Variants in ESRRG observed in about 807,000 individuals in gnomAD.
ESRRG encodes the protein estrogen-related receptor gamma.
Under a neutral mutation model 44.0 loss-of-function variants are expected in ESRRG, and 13 were observed. The observed-to-expected ratio is 0.30, with a 90% confidence interval of 0.19 to 0.47. ESRRG has a LOEUF of 0.47. Among genes scored for constraint, ESRRG ranks in the 20% least tolerant of loss-of-function variants. ESRRG has a pLI of 1.00. For missense variants in ESRRG, 395 were observed against 580.6 expected (o/e 0.68, Z 3.29); for synonymous variants, 215 against 214.6 (o/e 1.00, Z -0.02).
At chr1:216,685,987 A>T (rs2077870490) in intron 1 of ESRRG, 1 of 152,242 alleles carries the variant, frequency 6.6e-6, no homozygotes, top group South Asian at 2.1e-4. Flanking sequence ...TCAAGCACAT[A>T]TGAAAATTTC....
chr1:216,714,654 TA>T, intron 1 of ESRRG: 4 of 622,244 alleles, frequency 6.4e-6, no homozygotes, highest in Non-Finnish European at 8.0e-6. Flanking sequence ...AATAAAGAAA[TA>T]AAAAAATACA....
chr1:216,963,424 G>A (rs2069549385), intron 1 of ESRRG, among the ~76,000 whole-genome samples: 1 of 152,074 alleles, frequency 6.6e-6, no homozygotes, highest in African/African-American at 2.4e-5. Flanking sequence ...TGGGCTCAAA[G>A]TTAATACAAT....
intron 1 of ESRRG, among the ~76,000 whole-genome samples, chr1:217,008,293 G>T (rs1346330563): frequency 6.6e-6 from 1 of 152,216 alleles, no homozygotes; most frequent in African/African-American, 2.4e-5. Context: ...GCAGAACTAA[G>T]ATCTGGAACA....
intron 1 of ESRRG, among the ~76,000 whole-genome samples, chr1:216,704,548 A>G (rs1421260090): frequency 6.6e-6 from 1 of 152,154 alleles, no homozygotes; most frequent in East Asian, 1.9e-4. Context: ...AGGAGAAGAA[A>G]AAAAGATCTA....
chr1:216,821,654 C>G (rs2095290682), intron 2 of ESRRG, among the ~76,000 whole-genome samples: 1 of 138,812 alleles, frequency 7.2e-6, no homozygotes, highest in Non-Finnish European at 1.5e-5. Context: ...CACTGCACTC[C>G]AGCCTGGGCG....
chr1:216,972,780 A>G (rs143087521), intron 1 of ESRRG, among the ~76,000 whole-genome samples: 2 of 152,336 alleles, frequency 1.3e-5, no homozygotes, highest in East Asian at 1.9e-4. Context: ...TATGTACTAC[A>G]TAAGTGCAAC....
At chr1:217,070,092 TG>T (rs1241138860) in intron 1 of ESRRG, among the ~76,000 whole-genome samples, 1 of 152,128 alleles carries the variant, frequency 6.6e-6, no homozygotes, top group African/African-American at 2.4e-5. Flanking sequence ...AAAATCTTTC[TG>T]GGGCAAGGGT....
rs568151764 is a variant in ESRRG, at chr1:217,101,218, G to T, written c.-230+36449C>A. 1.6e-4 allele frequency among the ~76,000 whole-genome samples: 25 copies of T among 152,306 alleles called. 1 individual carries two copies. The South Asian group carries it at 4.6e-3, about 28-fold the overall frequency. ...ATGCTCCAGAATAAAACTGCCTGCA[G>T]TCAAACCCTTCCTGACCACCTAATC... On this transcript the variant is annotated intron_variant, in intron 1 of 8. Transcript: ENST00000366940.
chr1:216,911,655 G>C (rs2149586229), intron 2 of ESRRG, among the ~76,000 whole-genome samples: 1 of 152,210 alleles, frequency 6.6e-6, no homozygotes. Context: ...ACTCTGGTAG[G>C]GGAAGCTGAT....
At chr1:216,598,249 T>C (rs1313677934) in intron 3 of ESRRG, among the ~76,000 whole-genome samples, 16 of 152,216 alleles carry the variant, frequency 1.1e-4, no homozygotes, top group Non-Finnish European at 2.4e-4. Flanking sequence ...GTTGAATCTA[T>C]GGTGCAATTC....
intron 2 of ESRRG, among the ~76,000 whole-genome samples, chr1:216,916,572 C>T (rs1053058002): frequency 1.3e-5 from 2 of 152,174 alleles, no homozygotes; most frequent in African/African-American, 4.8e-5. Context: ...GCCAGGCACG[C>T]GCAGCAAGAA....
intron 1 of ESRRG, among the ~76,000 whole-genome samples, chr1:217,126,785 C>T (rs1024784077): frequency 3.2e-4 from 48 of 152,232 alleles, no homozygotes; most frequent in African/African-American, 1.2e-3. Flanking sequence ...TGGTACTCTG[C>T]ATATCCAATT....
rs925683631 is a variant in ESRRG at position 216,910,706 on chromosome 1, A to G, written c.-14+28876T>C. ...TCTTTGTTACGATGAGGGGCATGGC[A>G]TTATACATCACTGACTATATGGAGA... On this transcript the variant is annotated intron_variant, in intron 2 of 7. Coordinates refer to the ESRRG transcript ENST00000359162. Among the ~76,000 whole-genome samples, 18 of 152,226 alleles carry G rather than the reference A, an allele frequency of 1.2e-4. 1 individual carries two copies. The highest frequency in any genetic ancestry group is 2.9e-5 in the Non-Finnish European group (2 of 68,042).
chr1:216,982,755 G>C (rs2150403860), intron 1 of ESRRG, among the ~76,000 whole-genome samples: 1 of 152,280 alleles, frequency 6.6e-6, no homozygotes, highest in Non-Finnish European at 1.5e-5. Context: ...ATAAGCAATA[G>C]GCAAAGAGGT....
At chr1:216,788,759 A>C (rs2094214690) in intron 2 of ESRRG, among the ~76,000 whole-genome samples, 2 of 152,194 alleles carry the variant, frequency 1.3e-5, no homozygotes, top group Admixed American at 6.5e-5. Context: ...AGGATTCACC[A>C]TTCTAGATGC....
At chr1:217,002,440 C>T (rs2077172372) in intron 1 of ESRRG, among the ~76,000 whole-genome samples, 1 of 151,666 alleles carries the variant, frequency 6.6e-6, no homozygotes, top group South Asian at 2.1e-4. Flanking sequence ...ATTTTATTCC[C>T]TACTCATTAA....
intron 1 of ESRRG, among the ~76,000 whole-genome samples, chr1:217,071,005 T>C (rs1580377731): frequency 6.6e-6 from 1 of 152,178 alleles, no homozygotes; most frequent in East Asian, 1.9e-4. Flanking sequence ...CTTTCTTTCC[T>C]TCTCTCCACT....
At chr1:217,013,059 C>A (rs1189152373) in intron 1 of ESRRG, among the ~76,000 whole-genome samples, 1 of 152,158 alleles carries the variant, frequency 6.6e-6, no homozygotes, top group Non-Finnish European at 1.5e-5. Context: ...CCAAATTTCT[C>A]CTTTTTTATA....
At chr1:216,705,668 C>G (rs2082308660) in intron 1 of ESRRG, among the ~76,000 whole-genome samples, 1 of 152,146 alleles carries the variant, frequency 6.6e-6, no homozygotes, top group South Asian at 2.1e-4. Context: ...TTAAAGCATT[C>G]CAAAGCACCC....
Sources: gnomAD v4.1 joint callset for allele counts (sites outside exome capture counted in the v4.1 genomes callset) on GRCh38, gnomAD v4.1.1 for gene constraint, MANE v1.5 for transcripts, NCBI Gene and HGNC (gene_info 2026-07-23, HGNC 2026-07-21) for gene names.